Variants in CNBD1 observed in about 807,000 individuals in gnomAD.
The protein encoded by CNBD1 is cyclic nucleotide-binding domain-containing protein 1.
In CNBD1, 71 loss-of-function variants were observed where a neutral mutation model predicts 54.4. The observed-to-expected ratio is 1.30, with a 90% CI of 1.08 to 1.59. CNBD1 has a LOEUF of 1.59. Among genes scored for constraint, CNBD1 ranks in the 40% most tolerant of loss-of-function variants. The pLI, the probability that CNBD1 is intolerant of heterozygous loss-of-function variation, is 0.00. For missense variants in CNBD1, 659 were observed against 518.0 expected (o/e 1.27, Z -2.64); for synonymous variants, 182 against 170.7 (o/e 1.07, Z -0.51).
At chr8:86,990,183 T>G (rs111298668) in intron 4 of CNBD1, among the ~76,000 whole-genome samples, 4,046 of 152,294 alleles carry the variant, frequency 0.027, 190 homozygotes, top group African/African-American at 0.093. Context: ...TCCTTTGCTG[T>G]GCAGAAGCTT....
chr8:87,154,630 T>A (rs1812676851), intron 4 of CNBD1, among the ~76,000 whole-genome samples: 1 of 152,162 alleles, frequency 6.6e-6, no homozygotes, highest in African/African-American at 2.4e-5. Flanking sequence ...GCTGTTTAAC[T>A]TTATTTCATA....
intron 6 of CNBD1, among the ~76,000 whole-genome samples, chr8:87,276,905 C>T (rs1003484085): frequency 2.0e-5 from 3 of 151,508 alleles, no homozygotes; most frequent in Non-Finnish European, 2.9e-5. Flanking sequence ...TGAGTTTAGT[C>T]TACCAGGCAG....
At chr8:86,927,826 T>A (rs1254672526) in intron 3 of CNBD1, among the ~76,000 whole-genome samples, 2 of 152,164 alleles carry the variant, frequency 1.3e-5, no homozygotes, top group Non-Finnish European at 1.5e-5. Flanking sequence ...AGGAGCCTTT[T>A]GAGTCTGGGA....
chr8:86,940,132 C>CTTTTTATTTTTTTTTTTTTTTTT (rs1809626055), intron 4 of CNBD1, among the ~76,000 whole-genome samples: 1 of 88,742 alleles, frequency 1.1e-5, no homozygotes, highest in African/African-American at 4.6e-5. Flanking sequence ...CCACATGTTA[C>CTTTTTATTTTTTTTTTTTTTTTT]TTTTTTTTTT....
chr8:87,207,215 T>G (rs1813995094), intron 5 of CNBD1, among the ~76,000 whole-genome samples: 1 of 152,114 alleles, frequency 6.6e-6, no homozygotes, highest in African/African-American at 2.4e-5. Flanking sequence ...TTAATTTGTT[T>G]TATAAATCAC....
chr8:87,199,142 G>A (rs79231456), intron 4 of CNBD1, among the ~76,000 whole-genome samples: 10,503 of 152,222 alleles, frequency 0.069, 427 homozygotes, highest in African/African-American at 0.1. Context: ...CAAACACCTC[G>A]CGGGGATGAC....
At chr8:87,422,441 G>T (rs544284237) in intron 2 of CNBD1, among the ~76,000 whole-genome samples, 1 of 150,170 alleles carries the variant, frequency 6.7e-6, no homozygotes, top group Non-Finnish European at 1.5e-5. Flanking sequence ...ATCTTGAATT[G>T]ATTTTTGTAT....
At chr8:87,313,936 A>T (rs773710952) in intron 8 of CNBD1, among the ~76,000 whole-genome samples, 1 of 151,948 alleles carries the variant, frequency 6.6e-6, no homozygotes, top group Non-Finnish European at 1.5e-5. Context: ...TCTAGTCTAA[A>T]CTGTTTTTAC....
At chr8:87,358,517 T>C (rs1810464547) in intron 10 of CNBD1, among the ~76,000 whole-genome samples, 1 of 152,146 alleles carries the variant, frequency 6.6e-6, no homozygotes. Flanking sequence ...CACTGTGGAC[T>C]CTTTTATGTA....
Position 87,382,746 on chromosome 8 carries a change from T to A in CNBD1, c.*119T>A. On this transcript the variant is annotated 3_prime_UTR_variant, in exon 11 of 11. Transcript: ENST00000518476. ...GAATTTGGTCTATTGTGACTACATATCCTGGATTCCCCAGGAAAGTCCCAC... is the reference window on the plus strand; with the variant it reads ...GAATTTGGTCTATTGTGACTACATAACCTGGATTCCCCAGGAAAGTCCCAC... 1.6e-6 allele frequency: 1 copy of A among 636,440 alleles called. No individual in the cohort carries two copies. The highest frequency in any genetic ancestry group is 2.6e-6 in the Non-Finnish European group (1 of 389,646). 39.4% of individuals were successfully genotyped at this position (636,440 alleles called of 1,614,324 possible). A position where few individuals can be genotyped will look rare whatever the true frequency, so the allele number is the denominator to read the frequency against.
intron 2 of CNBD1, among the ~76,000 whole-genome samples, chr8:87,401,071 G>C (rs562088706): frequency 1.3e-5 from 2 of 151,968 alleles, no homozygotes; most frequent in African/African-American, 2.4e-5. Flanking sequence ...ACTAGAGAGT[G>C]ATTAGTGTAC....
At chr8:87,082,102 G>C (rs892218464) in intron 4 of CNBD1, among the ~76,000 whole-genome samples, 1 of 152,164 alleles carries the variant, frequency 6.6e-6, no homozygotes, top group African/African-American at 2.4e-5. Flanking sequence ...TATACATCCA[G>C]ATGACCTGGA....
chr8:87,294,634 G>A (rs1320287492), intron 8 of CNBD1, among the ~76,000 whole-genome samples: 1 of 152,152 alleles, frequency 6.6e-6, no homozygotes, highest in East Asian at 1.9e-4. Context: ...CTCATTTCAT[G>A]TGTGGAAAGA....
chr8:87,395,377 A>T (rs1811390906), intron 2 of CNBD1, among the ~76,000 whole-genome samples: 1 of 151,928 alleles, frequency 6.6e-6, no homozygotes, highest in Non-Finnish European at 1.5e-5. Context: ...AGAAGAGGGA[A>T]GGGAACAATA....
At chr8:87,078,466 A>T (rs971617669) in intron 4 of CNBD1, among the ~76,000 whole-genome samples, 1 of 152,222 alleles carries the variant, frequency 6.6e-6, no homozygotes, top group African/African-American at 2.4e-5. Flanking sequence ...AATTTAACAG[A>T]CCTAGGAGCC....
chr8:87,288,055 T>G (rs2130872510), intron 8 of CNBD1, among the ~76,000 whole-genome samples: 1 of 152,170 alleles, frequency 6.6e-6, no homozygotes, highest in East Asian at 1.9e-4. Context: ...GGGAATTGAA[T>G]ATTTCTAAAT....
At chr8:87,203,069 G>C (rs1395218917) in intron 4 of CNBD1, among the ~76,000 whole-genome samples, 2 of 152,152 alleles carry the variant, frequency 1.3e-5, no homozygotes, top group Non-Finnish European at 2.9e-5. Context: ...TCACTGACTA[G>C]ACATGAGATC....
chr8:87,410,377 G>T (rs1807720971), intron 2 of CNBD1, among the ~76,000 whole-genome samples: 1 of 152,120 alleles, frequency 6.6e-6, no homozygotes, highest in Non-Finnish European at 1.5e-5. Context: ...CTTCTATAAA[G>T]AATTTACTAT....
At chr8:87,077,020 T>C (rs1001276892) in intron 4 of CNBD1, among the ~76,000 whole-genome samples, 5 of 152,118 alleles carry the variant, frequency 3.3e-5, no homozygotes, top group African/African-American at 9.7e-5. Flanking sequence ...ACCAAAATAA[T>C]TTGTTGACAA....
Sources: allele counts gnomAD v4.1 joint callset (sites outside exome capture counted in the v4.1 genomes callset), GRCh38; gene constraint gnomAD v4.1.1; transcripts MANE v1.5; gene names NCBI Gene and HGNC (gene_info 2026-07-23, HGNC 2026-07-21).